Variants in AGBL4 observed in about 807,000 individuals in gnomAD.
AGBL4 encodes cytosolic carboxypeptidase 6.
AGBL4 carries 58 observed loss-of-function variants against 66.4 expected under a neutral mutation model. That is an observed-to-expected ratio of 0.87 (90% CI 0.71 to 1.09). The LOEUF is 1.09. AGBL4 is among the 50% of genes least tolerant of loss of function. The probability of loss-of-function intolerance (pLI) is 0.00; values close to 1 mark genes in which losing one functional copy is unlikely to be tolerated. For missense variants in AGBL4, 579 were observed against 631.0 expected (o/e 0.92, Z 0.88); for synonymous variants, 234 against 222.9 (o/e 1.05, Z -0.44).
chr1:49,812,751 C>A (rs562574327), intron 2 of AGBL4, among the ~76,000 whole-genome samples: 2 of 152,140 alleles, frequency 1.3e-5, no homozygotes, highest in East Asian at 3.8e-4. Context: ...TTGGTCTCAT[C>A]AATTTTCTAG....
intron 3 of AGBL4, among the ~76,000 whole-genome samples, chr1:49,289,021 GAGAGAGAGAGAA>G (rs1191742470): frequency 6.6e-6 from 1 of 151,904 alleles, no homozygotes; most frequent in Non-Finnish European, 1.5e-5. Flanking sequence ...CACACAGAGA[GAGAGAGAGAGAA>G]AGAGAGAGAG....
intron 5 of AGBL4, among the ~76,000 whole-genome samples, chr1:48,877,352 G>A (rs959552631): frequency 2.0e-5 from 3 of 152,098 alleles, no homozygotes; most frequent in South Asian, 2.1e-4. Context: ...TTTTAGACAT[G>A]GTAATTAACG....
chr1:48,862,064 C>T (rs1419804203), intron 6 of AGBL4, among the ~76,000 whole-genome samples: 6 of 152,196 alleles, frequency 3.9e-5, no homozygotes, highest in African/African-American at 1.4e-4. Flanking sequence ...CAACAAGGAA[C>T]TCCTTCCCAC....
At chr1:48,723,315 T>C (rs1167184970) in intron 6 of AGBL4, among the ~76,000 whole-genome samples, 3 of 152,168 alleles carry the variant, frequency 2.0e-5, no homozygotes, top group African/African-American at 7.2e-5. Flanking sequence ...AATAACTGGA[T>C]GGACTCTTGG....
intron 6 of AGBL4, among the ~76,000 whole-genome samples, chr1:48,687,802 C>G (rs1312406284): frequency 1.3e-5 from 2 of 152,218 alleles, no homozygotes; most frequent in African/African-American, 4.8e-5. Flanking sequence ...GGCTGGCACT[C>G]CTGCCTTCAG....
intron 3 of AGBL4, among the ~76,000 whole-genome samples, chr1:49,498,491 G>A (rs1395899233): frequency 1.3e-5 from 2 of 151,514 alleles, no homozygotes; most frequent in Non-Finnish European, 2.9e-5. Flanking sequence ...CATCCAGGTT[G>A]TCACAAATTA....
chr1:48,949,554 A>G (rs1199009988), intron 5 of AGBL4, among the ~76,000 whole-genome samples: 1 of 152,236 alleles, frequency 6.6e-6, no homozygotes, highest in Non-Finnish European at 1.5e-5. Flanking sequence ...AGAATCCACA[A>G]GAGCATCCAT....
intron 1 of AGBL4, among the ~76,000 whole-genome samples, chr1:49,939,149 C>T (rs1165502447): frequency 1.3e-5 from 2 of 151,850 alleles, no homozygotes; most frequent in Admixed American, 6.6e-5. Flanking sequence ...TTACAACGGA[C>T]GTGAAGGACC....
At chr1:49,768,754 A>C (rs1025589714) in intron 2 of AGBL4, among the ~76,000 whole-genome samples, 3 of 152,232 alleles carry the variant, frequency 2.0e-5, no homozygotes, top group African/African-American at 7.2e-5. Flanking sequence ...TGCTAATGTA[A>C]TTCTATGCCT....
At chr1:48,668,892 G>C (rs906326508) in intron 6 of AGBL4, among the ~76,000 whole-genome samples, 5 of 152,196 alleles carry the variant, frequency 3.3e-5, no homozygotes, top group African/African-American at 4.8e-5. Flanking sequence ...GATATCAATA[G>C]AGCTTTCCTG....
At chr1:49,185,017 C>T (rs1646990779) in intron 4 of AGBL4, among the ~76,000 whole-genome samples, 1 of 152,160 alleles carries the variant, frequency 6.6e-6, no homozygotes, top group African/African-American at 2.4e-5. Flanking sequence ...ATTTGATCCC[C>T]ACAATAATCG....
intron 3 of AGBL4, among the ~76,000 whole-genome samples, chr1:49,532,837 T>C (rs935130560): frequency 9.9e-5 from 15 of 151,082 alleles, no homozygotes; most frequent in African/African-American, 3.6e-4. Context: ...TCTGTTTTTA[T>C]TTTGCTATTC....
At chr1:49,572,827 A>G (rs776429879) in intron 3 of AGBL4, among the ~76,000 whole-genome samples, 22 of 152,158 alleles carry the variant, frequency 1.4e-4, no homozygotes, top group Non-Finnish European at 1.9e-4. Context: ...AAAGGAGATT[A>G]ACATTTGAGT....
chr1:49,563,331 A>G (rs1250411591), intron 3 of AGBL4, among the ~76,000 whole-genome samples: 1 of 152,026 alleles, frequency 6.6e-6, no homozygotes, highest in Non-Finnish European at 1.5e-5. Context: ...CCTGGCCAGA[A>G]CTTCCAACAC....
chr1:49,774,812 C>T (rs1644155716), intron 2 of AGBL4, among the ~76,000 whole-genome samples: 1 of 152,186 alleles, frequency 6.6e-6, no homozygotes, highest in East Asian at 1.9e-4. Flanking sequence ...AACTGATACT[C>T]TTTCCAGAGA....
At chr1:49,911,943 C>G (rs1368506515) in intron 1 of AGBL4, among the ~76,000 whole-genome samples, 1 of 152,232 alleles carries the variant, frequency 6.6e-6, no homozygotes, top group Non-Finnish European at 1.5e-5. Flanking sequence ...GCACAGGGAC[C>G]TGTATTTTAC....
At chr1:49,779,321 A>C (rs1295884789) in intron 2 of AGBL4, among the ~76,000 whole-genome samples, 1 of 152,234 alleles carries the variant, frequency 6.6e-6, no homozygotes, top group Admixed American at 6.5e-5. Flanking sequence ...TCAAGGCTTT[A>C]TTCACCTACT....
At chr1:49,486,302 T>TTTTAAAATATA (rs1647065771) in intron 3 of AGBL4, among the ~76,000 whole-genome samples, 1 of 152,042 alleles carries the variant, frequency 6.6e-6, no homozygotes, top group African/African-American at 2.4e-5. Context: ...ATATGTATTG[T>TTTTAAAATATA]TCTTTTAAAA....
intron 4 of AGBL4, among the ~76,000 whole-genome samples, chr1:49,211,178 C>T (rs1182377682): frequency 1.3e-5 from 2 of 152,056 alleles, no homozygotes; most frequent in African/African-American, 4.8e-5. Context: ...TGTTCCATTG[C>T]TGTCATAGGA....
Sources: allele counts gnomAD v4.1 joint callset (sites outside exome capture counted in the v4.1 genomes callset), GRCh38; gene constraint gnomAD v4.1.1; transcripts MANE v1.5; gene names NCBI Gene and HGNC (gene_info 2026-07-23, HGNC 2026-07-21).